Variants in SH3BGRL observed in about 807,000 individuals in gnomAD.
SH3BGRL encodes SH3 domain binding glutamate rich protein like.
A neutral mutation model predicts 9.8 loss-of-function variants in SH3BGRL; 7 were observed. The ratio of observed to expected loss-of-function variants is 0.72; its 90% CI spans 0.41 to 1.35. SH3BGRL has a LOEUF of 1.35. Ranked by LOEUF, SH3BGRL falls within the 40% of genes most tolerant of loss-of-function variation. The probability of loss-of-function intolerance (pLI) is 0.01; values close to 1 mark genes in which losing one functional copy is unlikely to be tolerated. For missense variants in SH3BGRL, 73 were observed against 84.4 expected (o/e 0.86, Z 0.53); for synonymous variants, 36 against 29.1 (o/e 1.24, Z -0.76).
intron 1 of SH3BGRL, among the ~76,000 whole-genome samples, chrX:81,245,469 A>G (rs1602608865): frequency 1.8e-5 from 2 of 112,089 alleles, no homozygotes; most frequent in African/African-American, 6.5e-5. Flanking sequence ...GCTTGCTTTT[A>G]TGTAATAAGA....
intron 1 of SH3BGRL, among the ~76,000 whole-genome samples, chrX:81,208,628 C>A (rs1038800201): frequency 2.3e-4 from 26 of 112,164 alleles, no homozygotes; most frequent in African/African-American, 8.4e-4. Flanking sequence ...ATCTACTTTG[C>A]GGCCCACTAG....
intron 3 of SH3BGRL, among the ~76,000 whole-genome samples, chrX:81,287,538 A>T (rs1462646181): frequency 8.9e-6 from 1 of 111,864 alleles, no homozygotes; most frequent in Non-Finnish European, 1.9e-5. Flanking sequence ...AATTTTACCA[A>T]ACATTTAAAG....
chrX:81,244,244 A>C lies in SH3BGRL; in HGVS notation c.46-32740A>C, dbSNP rs986809638. On this transcript the variant is annotated intron_variant, in intron 1 of 3. Transcript: ENST00000373212. Reference sequence around the variant, plus strand: ...AAAGGAGTGCTGGGGGGACACATGAATTACAAGACTGGACAGATTATGTTC... The same window carrying C: ...AAAGGAGTGCTGGGGGGACACATGACTTACAAGACTGGACAGATTATGTTC... Among the ~76,000 whole-genome samples the C allele has an allele frequency of 1.8e-4, 20 of 111,748 alleles. 1 individual carries two copies. The Admixed American group carries it at 1.8e-3, about 10-fold the overall frequency.
At chrX:81,228,205 C>T (rs991846607) in intron 1 of SH3BGRL, among the ~76,000 whole-genome samples, 2 of 111,735 alleles carry the variant, frequency 1.8e-5, no homozygotes, top group Non-Finnish European at 1.9e-5. Context: ...AACATGTGCC[C>T]ATGTTGGTGG....
chrX:81,254,227 T>C (rs1281636739), intron 1 of SH3BGRL, among the ~76,000 whole-genome samples: 1 of 112,205 alleles, frequency 8.9e-6, no homozygotes, highest in Non-Finnish European at 1.9e-5. Context: ...AAGCCCCTTT[T>C]ATTTTAGCAC....
rs1569359343 is a variant in SH3BGRL at position 81,226,502 on chromosome X, A to ATATATCTATATATATATATCTATATC, written c.45+24259_45+24284dup. On this transcript the variant is annotated intron_variant, in intron 1 of 3. Transcript: ENST00000373212. The stretch of plus-strand genomic sequence containing the variant: ...GTCTTGGATATATTTATATATATAT[A>ATATATCTATATATATATATCTATATC]TATATCTATATATATATATCTATAT... 3.8e-5 allele frequency among the ~76,000 whole-genome samples: 4 copies of ATATATCTATATATATATATCTATATC among 103,967 alleles called. No homozygotes were observed. In the East Asian group the frequency reaches 8.7e-4, roughly 23 times the overall value. 90.3% of individuals were successfully genotyped at this position (103,967 alleles called of 115,157 possible). A position where few individuals can be genotyped will look rare whatever the true frequency, so the allele number is the denominator to read the frequency against.
chrX:81,223,714 T>A (rs2075607986), intron 1 of SH3BGRL, among the ~76,000 whole-genome samples: 1 of 111,376 alleles, frequency 9.0e-6, no homozygotes, highest in Non-Finnish European at 1.9e-5. Context: ...CTTTTTTTTT[T>A]CTTTGCGATA....
intron 1 of SH3BGRL, among the ~76,000 whole-genome samples, chrX:81,246,495 G>C (rs2075689148): frequency 9.0e-6 from 1 of 111,671 alleles, no homozygotes; most frequent in Non-Finnish European, 1.9e-5. Context: ...TTCATGAAAG[G>C]AAGGGGCCCA....
chrX:81,280,188 G>A (rs1414585162), intron 3 of SH3BGRL, among the ~76,000 whole-genome samples: 1 of 109,823 alleles, frequency 9.1e-6, no homozygotes, highest in Non-Finnish European at 1.9e-5. Flanking sequence ...CCCGAGGAGA[G>A]TCTGAGCTCA....
chrX:81,259,893 T>A (rs1183026176), intron 1 of SH3BGRL, among the ~76,000 whole-genome samples: 1 of 111,781 alleles, frequency 8.9e-6, no homozygotes, highest in Non-Finnish European at 1.9e-5. Flanking sequence ...TTTGGTAAAG[T>A]CATTGTAATT....
intron 1 of SH3BGRL, among the ~76,000 whole-genome samples, chrX:81,222,621 C>T (rs1284425691): frequency 9.1e-6 from 1 of 110,358 alleles, no homozygotes; most frequent in Non-Finnish European, 1.9e-5. Flanking sequence ...TGAATAGTGC[C>T]GCAATAAATA....
At chrX:81,206,894 C>G (rs146124976) in intron 1 of SH3BGRL, among the ~76,000 whole-genome samples, 11 of 112,100 alleles carry the variant, frequency 9.8e-5, no homozygotes, top group Middle Eastern at 9.3e-3. Flanking sequence ...ATGCAGCTTC[C>G]AAGTAGTCTG....
intron 1 of SH3BGRL, among the ~76,000 whole-genome samples, chrX:81,262,475 C>A (rs769564351): frequency 4.8e-4 from 53 of 111,205 alleles, no homozygotes; most frequent in Non-Finnish European, 9.4e-4. Context: ...TAACCAGGGC[C>A]CCTGAAAACT....
At chrX:81,241,861 G>T in intron 1 of SH3BGRL, among the ~76,000 whole-genome samples, 1 of 112,532 alleles carries the variant, frequency 8.9e-6, no homozygotes, top group Admixed American at 9.3e-5. Flanking sequence ...TCCAGCCACA[G>T]CCTTGCATGG....
chrX:81,269,834 C>T (rs1288798954), intron 1 of SH3BGRL, among the ~76,000 whole-genome samples: 1 of 111,542 alleles, frequency 9.0e-6, no homozygotes, highest in East Asian at 2.8e-4. Context: ...TTCCACTCTC[C>T]CCATCACTTT....
chrX:81,230,520 G>A (rs2075629823), intron 1 of SH3BGRL, among the ~76,000 whole-genome samples: 1 of 111,774 alleles, frequency 8.9e-6, no homozygotes, highest in South Asian at 3.7e-4. Context: ...GATGTGCAAA[G>A]AAAATAACAT....
At chrX:81,226,766 G>A (rs1463283442) in intron 1 of SH3BGRL, among the ~76,000 whole-genome samples, 2 of 109,420 alleles carry the variant, frequency 1.8e-5, no homozygotes, top group Admixed American at 9.9e-5. Flanking sequence ...TGAGGAAAGA[G>A]TCATGAGCCA....
Position 81,211,311 on chromosome X carries a change from G to A in SH3BGRL, c.45+9066G>A, listed in dbSNP as rs182569729. Among the ~76,000 whole-genome samples, 405 of 112,018 alleles carry A rather than the reference G, an allele frequency of 3.6e-3. 1 individual carries two copies. The highest frequency in any genetic ancestry group is 0.012 in the African/African-American group (384 of 30,797). ...AAGAGATTAACATTTGAGGCCGGGCGCGGTGGCTCACGCCTGTAATCTCAG... is the reference window on the plus strand; with the variant it reads ...AAGAGATTAACATTTGAGGCCGGGCACGGTGGCTCACGCCTGTAATCTCAG... On this transcript the variant is annotated intron_variant, in intron 1 of 3. Transcript: ENST00000373212.
At chrX:81,202,471 C>T (rs1316676264) in intron 1 of SH3BGRL, 18 of 986,974 alleles carry the variant, frequency 1.8e-5, no homozygotes, top group Non-Finnish European at 2.2e-5. Context: ...CGTTGGGGGG[C>T]ACATTTCTGC....
Sources: allele counts gnomAD v4.1 joint callset (sites outside exome capture counted in the v4.1 genomes callset), GRCh38; gene constraint gnomAD v4.1.1; transcripts MANE v1.5; gene names NCBI Gene and HGNC (gene_info 2026-07-23, HGNC 2026-07-21).